The following CPT2 variants were observed in gnomAD, a reference collection of about 807,000 sequenced individuals.
The protein encoded by CPT2 is carnitine palmitoyltransferase 2.
CPT2 carries 37 observed loss-of-function variants against 48.6 expected under a neutral mutation model. That is an observed-to-expected ratio of 0.76 (90% CI 0.59 to 1.00). The LOEUF (loss-of-function observed/expected upper bound fraction) is 1.00, where lower values mean the gene tolerates loss of function less well. Ranked by LOEUF, CPT2 falls within the 50% of genes least tolerant of loss-of-function variation. CPT2 has a pLI of 0.00. For synonymous variants in CPT2, 319 were observed against 326.9 expected, an observed-to-expected ratio of 0.98 and a Z score of 0.26; for missense variants, 772 against 825.6, an observed-to-expected ratio of 0.94 and a Z score of 0.80.
chr1:53,202,219 A>G, intron 2 of CPT2, 104 bp from the exon 3 acceptor site: 1 of 814,954 alleles, frequency 1.2e-6, no homozygotes, highest in Non-Finnish European at 2.1e-6. Flanking sequence ...TTTTAGGGCT[A>G]TGCTGTTGGG....
chr1:53,198,726 A>G (rs1474464276), intron 1 of CPT2, among the ~76,000 whole-genome samples: 1 of 152,184 alleles, frequency 6.6e-6, no homozygotes, highest in Non-Finnish European at 1.5e-5. Context: ...ATTTATTCCA[A>G]CCCCATCCAT....
chr1:53,204,792 TAA>T (rs1176095988), intron 3 of CPT2, among the ~76,000 whole-genome samples: 2 of 152,160 alleles, frequency 1.3e-5, no homozygotes, highest in African/African-American at 2.4e-5. Context: ...CTCTGATAGT[TAA>T]AAAGTGTTCA....
chr1:53,201,235 T>C (rs1645353240), intron 2 of CPT2: 1 of 257,912 alleles, frequency 3.9e-6, no homozygotes, highest in South Asian at 4.9e-5. Context: ...TATATGATCT[T>C]ATTTGGAATT....
At chr1:53,209,789 C>G in intron 3 of CPT2, 1 of 571,664 alleles carries the variant, frequency 1.7e-6, no homozygotes, top group Non-Finnish European at 3.1e-6. Context: ...AAAAACAAAA[C>G]AAAAACATTA....
intron 1 of CPT2, 198 bp downstream of exon 1, chr1:53,197,293 T>C: frequency 1.5e-6 from 1 of 687,250 alleles, no homozygotes; most frequent in Non-Finnish European, 2.5e-6. Context: ...ACCCTCAAAT[T>C]CTCTTCCAGA....
intron 4 of CPT2, among the ~76,000 whole-genome samples, chr1:53,211,860 A>G (rs1645430702): frequency 6.6e-6 from 1 of 151,422 alleles, no homozygotes; most frequent in Non-Finnish European, 1.5e-5. Flanking sequence ...CAGCCTCCCA[A>G]AGTTCTAGGA....
At chr1:53,201,816 T>C (rs1364753188) in intron 2 of CPT2, 1 of 167,822 alleles carries the variant, frequency 6.0e-6, no homozygotes, top group Admixed American at 5.6e-5. Flanking sequence ...TATTTGTTAT[T>C]AGTCATTTAA....
intron 3 of CPT2, among the ~76,000 whole-genome samples, chr1:53,205,650 T>C (rs1257091253): frequency 3.9e-5 from 6 of 152,350 alleles, no homozygotes; most frequent in Admixed American, 3.3e-4. Context: ...ATCTTTACAG[T>C]AGCCCCTCCC....
In CPT2 at chr1:53,210,995, C is replaced by T. The variant is rs1285817135; in HGVS notation, c.1321C>T (p.Leu441Phe). ...AAAGTTTGATGCCACCATGAAAACCCTCACTATTGACTGCGTCCAGTTTCA... is the reference window on the plus strand; with the variant it reads ...AAAGTTTGATGCCACCATGAAAACCTTCACTATTGACTGCGTCCAGTTTCA... ...KEKFDATMKT[L>F]TIDCVQFQRG... is the part of the protein sequence containing the mutation. The change falls in exon 4 of 5, where the codon CTC becomes TTC. Residue 441 changes from leucine (L) to phenylalanine (F), a missense_variant. Coordinates refer to ENST00000371486, the MANE Select transcript of CPT2 (RefSeq NM_000098.3). 13 of 1,614,226 alleles carry T rather than the reference C, an allele frequency of 8.1e-6. No individual in the cohort carries two copies. The highest frequency in any genetic ancestry group is 1.1e-5 in the Non-Finnish European group (13 of 1,180,050).
At position 53,210,676 on chromosome 1, in the gene CPT2, C is replaced by A. The variant is rs1417091645; in HGVS notation, c.1002C>A (p.Asp334Glu). 1 of 1,614,004 alleles carries A rather than the reference C, an allele frequency of 6.2e-7. No individual in the cohort carries two copies. The highest frequency in any genetic ancestry group is 2.2e-5 in the East Asian group (1 of 44,890). ...CLCLDDFPIK[D>E]LVHLSHNMLH... Reference sequence around the variant, plus strand: ...GCCTAGATGACTTCCCCATTAAGGACCTTGTCCACTTGTCCCACAATATGC... The same window carrying A: ...GCCTAGATGACTTCCCCATTAAGGAACTTGTCCACTTGTCCCACAATATGC... Residue 334 changes from aspartate (D) to glutamate (E), a missense_variant, in exon 4 of 5, where the codon GAC (aspartate) becomes GAA (glutamate). By Grantham distance (45) the Asp-to-Glu change is conservative. Transcript: ENST00000371486.
chr1:53,199,085 C>CAG (rs10651054), intron 1 of CPT2, among the ~76,000 whole-genome samples: 150,184 of 152,266 alleles, frequency 0.99, 74,076 homozygotes, highest in Middle Eastern at 1. Context: ...TTTTTTGAGA[C>CAG]AGTCTCGCTC....
chr1:53,206,423 C>T (rs1045698915), intron 3 of CPT2, among the ~76,000 whole-genome samples: 10 of 152,130 alleles, frequency 6.6e-5, no homozygotes, highest in South Asian at 6.2e-4. Flanking sequence ...GTAGATCCAC[C>T]GACAGTTTGC....
At chr1:53,197,360 T>C in intron 1 of CPT2, 1 of 553,262 alleles carries the variant, frequency 1.8e-6, no homozygotes, top group Non-Finnish European at 3.2e-6. Flanking sequence ...TTCCCTCTCC[T>C]TTAACCTAAC....
chr1:53,204,209 T>C (rs190473504), intron 3 of CPT2: 1 of 152,282 alleles, frequency 6.6e-6, no homozygotes, highest in African/African-American at 2.4e-5. Flanking sequence ...GTTTTTTCTT[T>C]GTGGAACTCT....
At chr1:53,208,068 T>C (rs1006980471) in intron 3 of CPT2, 2 of 152,242 alleles carry the variant, frequency 1.3e-5, no homozygotes, top group African/African-American at 2.4e-5. Context: ...TATGTCTCTT[T>C]GAAATTCTTT....
chr1:53,204,633 T>C (rs1262980016), intron 3 of CPT2, among the ~76,000 whole-genome samples: 1 of 152,170 alleles, frequency 6.6e-6, no homozygotes, highest in African/African-American at 2.4e-5. Flanking sequence ...TCTAATGTGA[T>C]TGATATGGTT....
chr1:53,212,117 TGCAGTG>T (rs1645432796), intron 4 of CPT2, among the ~76,000 whole-genome samples: 1 of 147,308 alleles, frequency 6.8e-6, no homozygotes, highest in African/African-American at 2.5e-5. Flanking sequence ...CAGGCTGGAG[TGCAGTG>T]GCACAATCTC....
intron 3 of CPT2, chr1:53,203,192 T>C (rs1645365063): frequency 6.6e-6 from 1 of 152,282 alleles, no homozygotes; most frequent in Non-Finnish European, 1.5e-5. Context: ...CCTTACTGCA[T>C]CTTGATTTTT....
chr1:53,206,902 G>A (rs1400734768), intron 3 of CPT2, among the ~76,000 whole-genome samples: 1 of 152,188 alleles, frequency 6.6e-6, no homozygotes, highest in Non-Finnish European at 1.5e-5. Context: ...CATGAAATTT[G>A]GGAGAGGCCA....
Sources: allele counts gnomAD v4.1 joint callset (sites outside exome capture counted in the v4.1 genomes callset), GRCh38; gene constraint gnomAD v4.1.1; transcripts MANE v1.5; gene names NCBI Gene and HGNC (gene_info 2026-07-23, HGNC 2026-07-21).